FRAS1: variants seen among roughly 807,000 people sequenced by gnomAD.
FRAS1 encodes the protein extracellular matrix organizing protein FRAS1.
Under a neutral mutation model 435.2 loss-of-function variants are expected in FRAS1, and 290 were observed. That is an observed-to-expected ratio of 0.67 (90% CI 0.61 to 0.73). FRAS1 has a LOEUF of 0.73. Ranked by LOEUF, FRAS1 falls within the 30% of genes least tolerant of loss-of-function variation. FRAS1 has a pLI of 0.00. For missense variants in FRAS1, 4,860 were observed against 5,001.5 expected, an observed-to-expected ratio of 0.97 and a Z score of 0.85; for synonymous variants, 1,800 against 1,851.0, an observed-to-expected ratio of 0.97 and a Z score of 0.71.
intron 3 of FRAS1, among the ~76,000 whole-genome samples, chr4:78,239,375 C>A (rs527924994): frequency 5.9e-5 from 9 of 152,284 alleles, no homozygotes; most frequent in Non-Finnish European, 1.2e-4. Context: ...AATGTGACTT[C>A]TTTGCTGTCA....
Position 78,057,563 on chromosome 4 carries a change from CCAAG to C in FRAS1, c.-445_-442del. The stretch of plus-strand genomic sequence containing the variant: ...GCCGACGCAACGCCGACGTATGGTG[CCAAG>C]CGAACTTTAAAAAGCTGCTTCGGAC... On this transcript the variant is annotated 5_prime_UTR_variant, in exon 1 of 74. An upstream open reading frame in the 5' UTR gains an earlier in-frame stop. Coordinates refer to ENST00000512123, the MANE Select transcript of FRAS1 (RefSeq NM_025074.7). The surrounding 1 kb of genome is among the most constrained non-coding windows in gnomAD (Gnocchi z 4.2). The C allele has an allele frequency of 1.2e-5, 2 of 162,874 alleles. No individual in the cohort carries two copies. Among genetic ancestry groups the C allele is most frequent in the Non-Finnish European group, 2.7e-5 (2 of 75,310 alleles). 10.1% of individuals were successfully genotyped at this position (162,874 alleles called of 1,614,324 possible).
intron 2 of FRAS1, among the ~76,000 whole-genome samples, chr4:78,111,668 G>T (rs1367373112): frequency 1.6e-5 from 2 of 121,830 alleles, no homozygotes; most frequent in Non-Finnish European, 3.4e-5. Context: ...CACATTAGTG[G>T]GTGCAGCGCA....
At chr4:78,537,264 A>T in intron 72 of FRAS1, 64 bp downstream of exon 72, 6 of 1,443,896 alleles carry the variant, frequency 4.2e-6, no homozygotes, top group Non-Finnish European at 5.7e-6. Flanking sequence ...CTCAGCTATG[A>T]CTTCTGCCTA....
chr4:78,128,701 G>T (rs1719515433), intron 2 of FRAS1, among the ~76,000 whole-genome samples: 1 of 152,146 alleles, frequency 6.6e-6, no homozygotes, highest in African/African-American at 2.4e-5. Context: ...CCCTTCTGTA[G>T]GTTGCCTGTT....
intron 37 of FRAS1, among the ~76,000 whole-genome samples, chr4:78,430,753 G>A (rs776558004): frequency 6.6e-6 from 1 of 152,094 alleles, no homozygotes; most frequent in African/African-American, 2.4e-5. Flanking sequence ...ACTGTTCATG[G>A]AGATGAATCG....
In FRAS1 at chr4:78,438,890, G is replaced by GT. The variant is rs752870640; in HGVS notation, c.5367-5dup. On this transcript the variant is annotated splice_polypyrimidine_tract_variant and intron_variant, in intron 39 of 73. Transcript: ENST00000512123. The stretch of plus-strand genomic sequence containing the variant: ...GTGGCTTATTCATTTGATTCTTTTT[G>GT]TTTTTTTATAGATACTCAGCTGTGT... The GT allele has an allele frequency of 3.0e-5, 47 of 1,587,474 alleles. No individual in the cohort carries two copies. The highest frequency in any genetic ancestry group is 3.3e-5 in the Non-Finnish European group (39 of 1,170,956).
chr4:78,355,607 A>T (rs1320965064), intron 20 of FRAS1, among the ~76,000 whole-genome samples: 3 of 152,242 alleles, frequency 2.0e-5, no homozygotes, highest in African/African-American at 7.2e-5. Flanking sequence ...CTTACTGCAC[A>T]GATGGGGCTT....
intron 2 of FRAS1, among the ~76,000 whole-genome samples, chr4:78,078,319 C>A (rs939161690): frequency 6.6e-6 from 1 of 152,138 alleles, no homozygotes; most frequent in Non-Finnish European, 1.5e-5. Context: ...ATGTGGTATA[C>A]ATTTTTAAAA....
At chr4:78,417,951 C>T (rs1733617380) in intron 32 of FRAS1, among the ~76,000 whole-genome samples, 1 of 152,194 alleles carries the variant, frequency 6.6e-6, no homozygotes, top group Admixed American at 6.5e-5. Context: ...GCGAGGGGCC[C>T]CAGCTCAGGC....
chr4:78,071,162 T>C (rs1740331223), intron 2 of FRAS1: 1 of 152,212 alleles, frequency 6.6e-6, no homozygotes, highest in East Asian at 1.9e-4. Context: ...TGTGGAATGT[T>C]GACTATATAT....
At position 78,245,136 on chromosome 4, in the gene FRAS1, A is replaced by T. The variant is rs72864506; in HGVS notation, c.217-97A>T. On this transcript the variant is annotated intron_variant, in intron 3 of 73. Transcript: ENST00000512123. ...GTTGTTGTCACCTCAGAAACGCATGAGATTTAGTGAATGTAAGATGACTTA... is the reference window on the plus strand; with the variant it reads ...GTTGTTGTCACCTCAGAAACGCATGTGATTTAGTGAATGTAAGATGACTTA... 3.2e-3 allele frequency: 2,606 copies of T among 820,526 alleles called. 34 individuals are homozygous for T. The African/African-American group carries it at 0.038, about 12-fold the overall frequency. 50.8% of individuals were successfully genotyped at this position (820,526 alleles called of 1,614,324 possible).
chr4:78,174,051 G>A (rs751551463), intron 2 of FRAS1, among the ~76,000 whole-genome samples: 3 of 152,270 alleles, frequency 2.0e-5, no homozygotes, highest in South Asian at 2.1e-4. Flanking sequence ...TCTGTCTCCC[G>A]TGTTTCAACT....
chr4:78,282,953 C>A lies in FRAS1; in HGVS notation c.1241C>A (p.Pro414Gln). 1 of 1,557,898 alleles carries A rather than the reference C, an allele frequency of 6.4e-7. No homozygotes were observed. The highest frequency in any genetic ancestry group is 2.0e-5 in the Admixed American group (1 of 49,812). ...TTAGAGGTGAAGGGACAGTGCTGTCCAGACTGCACATCAGGTGGGTCCATG... is the reference window on the plus strand; with the variant it reads ...TTAGAGGTGAAGGGACAGTGCTGTCAAGACTGCACATCAGGTGGGTCCATG... ...LALEVKGQCCPDCTSVHCHPD... is the reference protein window; with the variant it reads ...LALEVKGQCCQDCTSVHCHPD... The change falls in exon 12 of 74, where the codon CCA (proline) becomes CAA (glutamine). Residue 414 changes from proline to glutamine, a missense_variant. Pro to Gln is a moderately conservative substitution (Grantham distance 76). Coordinates refer to ENST00000512123, the MANE Select transcript of FRAS1 (RefSeq NM_025074.7).
At chr4:78,218,553 T>G (rs1482555023) in intron 2 of FRAS1, among the ~76,000 whole-genome samples, 1 of 152,160 alleles carries the variant, frequency 6.6e-6, no homozygotes, top group Non-Finnish European at 1.5e-5. Context: ...GAAACCTAGG[T>G]TCTGACCTAG....
chr4:78,121,250 C>T (rs909861517), intron 2 of FRAS1, among the ~76,000 whole-genome samples: 19 of 152,196 alleles, frequency 1.2e-4, no homozygotes, highest in Non-Finnish European at 2.5e-4. Flanking sequence ...AAGATTCCTG[C>T]TCAATAGCAT....
intron 2 of FRAS1, among the ~76,000 whole-genome samples, chr4:78,092,502 C>T (rs1428287171): frequency 6.6e-6 from 1 of 152,152 alleles, no homozygotes; most frequent in Non-Finnish European, 1.5e-5. Flanking sequence ...ACCAACAGCT[C>T]TCATGAGACC....
chr4:78,484,138 A>C (rs572203911), intron 58 of FRAS1, among the ~76,000 whole-genome samples: 1 of 152,218 alleles, frequency 6.6e-6, no homozygotes, highest in Admixed American at 6.5e-5. Flanking sequence ...ATAAAAATGG[A>C]ATCATATAAT....
At chr4:78,475,170 G>A (rs1318462333) in intron 53 of FRAS1, among the ~76,000 whole-genome samples, 2 of 152,158 alleles carry the variant, frequency 1.3e-5, no homozygotes, top group East Asian at 3.9e-4. Context: ...GCTCCTATGT[G>A]CTGTCCATCT....
At position 78,521,543 on chromosome 4, in the gene FRAS1, C is replaced by T. The variant is rs1578372092; in HGVS notation, c.10561C>T (p.Leu3521Phe). 2 of 1,609,842 alleles carry T rather than the reference C, an allele frequency of 1.2e-6. No individual in the cohort carries two copies. Among genetic ancestry groups the T allele is most frequent in the Non-Finnish European group, 1.7e-6 (2 of 1,178,174 alleles). Residue 3521 changes from leucine to phenylalanine, a missense_variant, in exon 68 of 74, where the codon CTC (leucine) becomes TTC (phenylalanine). Transcript: ENST00000512123. ...CCCAGGAATCCAGACAGACAGCGTG[C>T]TCTCTGCAAGGCTTCAGATAATAAG... ...WRTGIQTDSVLSARLQIIRIY... is the reference protein window; with the variant it reads ...WRTGIQTDSVFSARLQIIRIY...
Sources: gnomAD v4.1 joint callset for allele counts (sites outside exome capture counted in the v4.1 genomes callset) on GRCh38, gnomAD v4.1.1 for gene constraint, Gnocchi (gnomAD v3.1) non-coding constraint, MANE v1.5 for transcripts, NCBI Gene and HGNC (gene_info 2026-07-23, HGNC 2026-07-21) for gene names.